The following RNF150 variants were observed in gnomAD, a reference collection of about 807,000 sequenced individuals.
The protein encoded by RNF150 is ring finger protein 150.
In RNF150, 24 loss-of-function variants were observed where a neutral mutation model predicts 39.3. The observed-to-expected ratio is 0.61, with a 90% CI of 0.44 to 0.86. The LOEUF is 0.86. Among genes scored for constraint, RNF150 ranks in the 40% least tolerant of loss-of-function variants. RNF150 has a pLI of 0.00. For synonymous variants in RNF150, 255 were observed against 227.3 expected, an observed-to-expected ratio of 1.12 and a Z score of -1.10; for missense variants, 502 against 587.8, an observed-to-expected ratio of 0.85 and a Z score of 1.51.
chr4:141,176,373 G>A (rs911587037), intron 1 of RNF150, among the ~76,000 whole-genome samples: 1 of 152,130 alleles, frequency 6.6e-6, no homozygotes, highest in Admixed American at 6.5e-5. Flanking sequence ...ACTGAGAAAA[G>A]CAAAATTTAA....
At chr4:141,186,255 T>C (rs1728010485) in intron 1 of RNF150, among the ~76,000 whole-genome samples, 1 of 152,184 alleles carries the variant, frequency 6.6e-6, no homozygotes, top group African/African-American at 2.4e-5. Flanking sequence ...CTGGTTAATC[T>C]TGAGAAGGTG....
At chr4:140,964,911 T>C (rs1733175737) in intron 2 of RNF150, among the ~76,000 whole-genome samples, 1 of 151,858 alleles carries the variant, frequency 6.6e-6, no homozygotes, top group Non-Finnish European at 1.5e-5. Context: ...CAAGTATATA[T>C]GGGTATTTAA....
chr4:141,117,701 T>G (rs1346101486), intron 1 of RNF150, among the ~76,000 whole-genome samples: 1 of 152,234 alleles, frequency 6.6e-6, no homozygotes, highest in Admixed American at 6.5e-5. Flanking sequence ...CCAGTTTTGC[T>G]TTTAACCATC....
At chr4:141,019,883 A>T (rs1735423036) in intron 1 of RNF150, among the ~76,000 whole-genome samples, 1 of 152,138 alleles carries the variant, frequency 6.6e-6, no homozygotes, top group Non-Finnish European at 1.5e-5. Context: ...GATCTAATTC[A>T]GCTTATAAAT....
At chr4:141,115,176 C>G (rs2111071432) in intron 1 of RNF150, among the ~76,000 whole-genome samples, 1 of 152,252 alleles carries the variant, frequency 6.6e-6, no homozygotes, top group African/African-American at 2.4e-5. Context: ...AAAGTGTATT[C>G]AAACAGGAAG....
At chr4:140,912,620 A>G (rs1241030812) in intron 5 of RNF150, among the ~76,000 whole-genome samples, 1 of 152,132 alleles carries the variant, frequency 6.6e-6, no homozygotes, top group African/African-American at 2.4e-5. Flanking sequence ...TCTTAGCTGT[A>G]TAATGCCAGT....
At chr4:141,027,492 G>A (rs1229796120) in intron 1 of RNF150, among the ~76,000 whole-genome samples, 1 of 152,110 alleles carries the variant, frequency 6.6e-6, no homozygotes, top group Non-Finnish European at 1.5e-5. Flanking sequence ...CTCTGTAGCA[G>A]GTACTTGTAG....
At chr4:141,187,206 T>C (rs1210710476) in intron 1 of RNF150, among the ~76,000 whole-genome samples, 1 of 152,350 alleles carries the variant, frequency 6.6e-6, no homozygotes, top group East Asian at 1.9e-4. Flanking sequence ...TTGATTGCAC[T>C]GTGGTCTGAG....
In RNF150 at chr4:140,959,010, G is replaced by T. The variant is rs564394755; in HGVS notation, c.735+8613C>A. ...AACAGGTGAAGAGTCTGATATAAAA[G>T]GTTTCCTTCACCTGAAAACCATTCC... On this transcript the variant is annotated intron_variant, in intron 2 of 6. Coordinates refer to ENST00000515673, the MANE Select transcript of RNF150 (RefSeq NM_020724.2). Among the ~76,000 whole-genome samples, 3 of 152,218 alleles carry T rather than the reference G, an allele frequency of 2.0e-5. No individual in the cohort carries two copies. The South Asian group carries it at 6.2e-4, about 32-fold the overall frequency.
intron 6 of RNF150, among the ~76,000 whole-genome samples, chr4:140,885,413 T>C (rs1729530597): frequency 6.9e-6 from 1 of 144,564 alleles, no homozygotes; most frequent in African/African-American, 2.5e-5. Flanking sequence ...AGTACATATA[T>C]TTTATATATA....
At chr4:141,154,043 A>G (rs1225157125) in intron 1 of RNF150, among the ~76,000 whole-genome samples, 7 of 152,216 alleles carry the variant, frequency 4.6e-5, no homozygotes, top group Non-Finnish European at 1.0e-4. Context: ...TACTTATCTC[A>G]TCAGTTTGCT....
intron 4 of RNF150, among the ~76,000 whole-genome samples, chr4:140,937,726 AT>A (rs1731913247): frequency 6.6e-6 from 1 of 151,914 alleles, no homozygotes; most frequent in South Asian, 2.1e-4. Flanking sequence ...AATAATGATT[AT>A]TTCTGGGTGG....
chr4:141,003,347 A>G (rs1193248001), intron 1 of RNF150, among the ~76,000 whole-genome samples: 5 of 152,286 alleles, frequency 3.3e-5, no homozygotes, highest in African/African-American at 9.6e-5. Context: ...CTCCACCCCA[A>G]CACATACTGA....
chr4:141,076,898 T>A (rs1737916052), intron 1 of RNF150, among the ~76,000 whole-genome samples: 1 of 152,178 alleles, frequency 6.6e-6, no homozygotes, highest in Non-Finnish European at 1.5e-5. Flanking sequence ...GACGATCCTG[T>A]TTGCAGGGCA....
intron 5 of RNF150, among the ~76,000 whole-genome samples, chr4:140,915,312 T>C (rs556116891): frequency 1.3e-5 from 2 of 152,240 alleles, no homozygotes; most frequent in Non-Finnish European, 1.5e-5. Flanking sequence ...CAGTTCGATA[T>C]AGCAAGTATT....
chr4:140,953,607 A>G (rs1311269945), intron 2 of RNF150, among the ~76,000 whole-genome samples: 1 of 152,158 alleles, frequency 6.6e-6, no homozygotes, highest in Non-Finnish European at 1.5e-5. Context: ...CAATTTCCAT[A>G]TGCATGTAAA....
At chr4:141,002,941 A>G (rs1734720528) in intron 1 of RNF150, among the ~76,000 whole-genome samples, 2 of 152,170 alleles carry the variant, frequency 1.3e-5, no homozygotes, top group African/African-American at 2.4e-5. Flanking sequence ...TGAAGTATTC[A>G]CCACTGTACA....
At chr4:141,177,065 A>C (rs1421007615) in intron 1 of RNF150, among the ~76,000 whole-genome samples, 2 of 151,358 alleles carry the variant, frequency 1.3e-5, no homozygotes, top group Admixed American at 6.6e-5. Flanking sequence ...AAAAAAAAAA[A>C]AAAAAAAAAC....
chr4:141,028,673 G>T (rs143251367), intron 1 of RNF150, among the ~76,000 whole-genome samples: 1 of 152,224 alleles, frequency 6.6e-6, no homozygotes, highest in African/African-American at 2.4e-5. Context: ...TTATTTTCAA[G>T]CAAGAACTGT....
Sources: gnomAD v4.1 joint callset for allele counts (sites outside exome capture counted in the v4.1 genomes callset) on GRCh38, gnomAD v4.1.1 for gene constraint, MANE v1.5 for transcripts, NCBI Gene and HGNC (gene_info 2026-07-23, HGNC 2026-07-21) for gene names.